The following TPR variants were observed in gnomAD, a reference collection of about 807,000 sequenced individuals.
TPR encodes nucleoprotein TPR.
Under a neutral mutation model 316.1 loss-of-function variants are expected in TPR, and 51 were observed. The ratio of observed to expected loss-of-function variants is 0.16; its 90% CI spans 0.13 to 0.20. The LOEUF (loss-of-function observed/expected upper bound fraction) is 0.20. Ranked by LOEUF, TPR falls within the 10% of genes least tolerant of loss-of-function variation. TPR has a pLI of 1.00. For missense variants in TPR, 2,272 were observed against 2,754.8 expected (o/e 0.82, Z 3.92); for synonymous variants, 981 against 914.7 (o/e 1.07, Z -1.31).
Position 186,318,714 on chromosome 1 carries a change from A to G in TPR, c.6664+19T>C. ...TTTTACCAATAAAACAGAACCTACT[A>G]TCTGCCTTTGATCCCTACCTGGGGC... On this transcript the variant is annotated intron_variant, in intron 47 of 50. Transcript: ENST00000367478. 1 of 1,613,464 alleles carries G rather than the reference A, an allele frequency of 6.2e-7. No individual in the cohort carries two copies. Among genetic ancestry groups the G allele is most frequent in the South Asian group, 1.1e-5 (1 of 90,784 alleles).
chr1:186,330,624 T>C (rs754222615), intron 39 of TPR, among the ~76,000 whole-genome samples: 2 of 152,124 alleles, frequency 1.3e-5, no homozygotes, highest in Non-Finnish European at 2.9e-5. Context: ...CATGACTCTA[T>C]TGTGTAATAA....
chr1:186,343,580 T>C, intron 26 of TPR, 107 bp from the exon 27 acceptor site: 1 of 1,022,768 alleles, frequency 9.8e-7, no homozygotes, highest in South Asian at 1.7e-5. Context: ...TAATAACTAT[T>C]ACACGTTTTC....
chr1:186,327,266 A>ATATATAAATATAT (rs1658016929), intron 40 of TPR, among the ~76,000 whole-genome samples, 194 bp downstream of exon 40: 1 of 272 alleles, frequency 3.7e-3, no homozygotes, highest in African/African-American at 7.7e-3. Flanking sequence ...AATATATAAT[A>ATATATAAATATAT]TATATATTTA....
chr1:186,327,446 C>A lies in TPR; in HGVS notation c.5889+14G>T. 6.2e-7 allele frequency: 1 copy of A among 1,606,478 alleles called. No homozygotes were observed. Among genetic ancestry groups the A allele is most frequent in the Non-Finnish European group, 8.5e-7 (1 of 1,178,968 alleles). On this transcript the variant is annotated intron_variant, in intron 40 of 50. Transcript: ENST00000367478. ...ATAGTTTAAAAACACTAGATGATTT[C>A]AAATCAAACTTACCTCATGTTCTCC...
intron 43 of TPR, among the ~76,000 whole-genome samples, chr1:186,323,293 T>G (rs928324220): frequency 6.6e-6 from 1 of 152,180 alleles, no homozygotes; most frequent in Admixed American, 6.5e-5. Flanking sequence ...ATTCTTCTGT[T>G]AAGTACAACA....
At chr1:186,317,696 C>T in intron 48 of TPR, 96 bp from the exon 49 acceptor site, 2 of 1,149,132 alleles carry the variant, frequency 1.7e-6, no homozygotes, top group Non-Finnish European at 2.5e-6. Flanking sequence ...CTTAAGTAAT[C>T]CAGAGCTCCC....
intron 39 of TPR, among the ~76,000 whole-genome samples, chr1:186,328,469 G>T (rs182284465): frequency 4.0e-5 from 6 of 151,824 alleles, no homozygotes; most frequent in Non-Finnish European, 8.8e-5. Context: ...TTTTATATTT[G>T]TATCAATTTG....
At chr1:186,354,756 T>G (rs930704786) in intron 17 of TPR, among the ~76,000 whole-genome samples, 2 of 152,196 alleles carry the variant, frequency 1.3e-5, no homozygotes, top group African/African-American at 4.8e-5. Context: ...CTCTTCTACC[T>G]AGAATAGAAA....
intron 24 of TPR, 34 bp downstream of exon 24, chr1:186,345,546 C>A: frequency 6.8e-7 from 1 of 1,467,656 alleles, no homozygotes; most frequent in Non-Finnish European, 9.5e-7. Context: ...TCTCTAGGAT[C>A]GAAGCTCATT....
Position 186,360,302 on chromosome 1 carries a change from T to C in TPR, c.1162A>G (p.Ile388Val), listed in dbSNP as rs1659144375. ...GTTAGTTTCATCCCAGGTTTCACTA[T>C]CTTAGCTACAGCTGCTGCAGTAGGA... ...MSPTAAAVAK[I>V]VKPGMKLTEL... is the part of the protein sequence containing the mutation. Residue 388 changes from isoleucine to valine, a missense_variant, in exon 11 of 51, where the codon ATA becomes GTA. Ile to Val is a conservative substitution (Grantham distance 29). This residue lies in a region of TPR where 549 missense variants were observed against 598.6 expected (regional missense o/e 0.92). Coordinates refer to ENST00000367478, the MANE Select transcript of TPR (RefSeq NM_003292.3). The C allele has an allele frequency of 1.2e-6, 2 of 1,613,496 alleles. No homozygotes were observed. The highest frequency in any genetic ancestry group is 1.7e-6 in the Non-Finnish European group (2 of 1,179,510).
intron 12 of TPR, 109 bp downstream of exon 12, chr1:186,359,690 A>C (rs1659124541): frequency 8.9e-7 from 1 of 1,122,610 alleles, no homozygotes; most frequent in Non-Finnish European, 1.2e-6. Context: ...GTTTATTGAA[A>C]ATCGTATTTA....
At chr1:186,374,792 C>T (rs1217829323) in intron 1 of TPR, 86 bp downstream of exon 1, 1 of 1,413,500 alleles carries the variant, frequency 7.1e-7, no homozygotes, top group African/African-American at 1.4e-5. Flanking sequence ...CAGAGCGGTA[C>T]CCAGTGCCAA....
At chr1:186,334,768 A>G (rs1658287534) in intron 35 of TPR, among the ~76,000 whole-genome samples, 1 of 152,082 alleles carries the variant, frequency 6.6e-6, no homozygotes, top group African/African-American at 2.4e-5. Flanking sequence ...TCAGCCCAGC[A>G]TTTTCTATCT....
At position 186,333,218 on chromosome 1, in the gene TPR, C is replaced by T; in HGVS notation, c.5359G>A (p.Glu1787Lys). Residue 1787 changes from glutamate (E) to lysine (K), a missense_variant, in exon 37 of 51, where the codon GAG (glutamate) becomes AAG (lysine). Physicochemically the swap from Glu to Lys is moderately conservative, Grantham distance 56. Around this residue, in one of 10 missense-constraint regions of TPR, gnomAD observed 435 missense variants for 461.1 expected, o/e 0.94. Coordinates refer to ENST00000367478, the MANE Select transcript of TPR (RefSeq NM_003292.3). ...GAAGATAACTCTTGATTGGCAGGCTCAATCTGAGGATGACTCTGTTGAGTG... is the reference window on the plus strand; with the variant it reads ...GAAGATAACTCTTGATTGGCAGGCTTAATCTGAGGATGACTCTGTTGAGTG... ...QPTQQSHPQIEPANQELSSNI... is the reference protein window; with the variant it reads ...QPTQQSHPQIKPANQELSSNI... The T allele has an allele frequency of 6.2e-7, 1 of 1,613,638 alleles. No individual in the cohort carries two copies. The highest frequency in any genetic ancestry group is 8.5e-7 in the Non-Finnish European group (1 of 1,179,712).
rs555373282 is a variant in TPR at position 186,317,907 on chromosome 1, A to T, written c.6822-307T>A. Among the ~76,000 whole-genome samples, 21 of 152,326 alleles carry T rather than the reference A, an allele frequency of 1.4e-4. No individual in the cohort carries two copies. The South Asian group carries it at 4.1e-3, about 30-fold the overall frequency. ...GACACTCATAAGAAATATATGGTCC[A>T]GATTTTGATAAATCTCAAAACAACA... On this transcript the variant is annotated intron_variant, in intron 48 of 50. Coordinates refer to ENST00000367478, the MANE Select transcript of TPR (RefSeq NM_003292.3).
chr1:186,352,034 G>A lies in TPR; in HGVS notation c.2411C>T (p.Ser804Phe), dbSNP rs547487756. 3 of 1,609,906 alleles carry A rather than the reference G, an allele frequency of 1.9e-6. No individual in the cohort carries two copies. The highest frequency in any genetic ancestry group is 2.5e-6 in the Non-Finnish European group (3 of 1,178,448). The change falls in exon 19 of 51, where the codon TCT (serine) becomes TTT (phenylalanine). Residue 804 changes from serine (S) to phenylalanine (F), a missense_variant. Physicochemically the swap from Ser to Phe is radical, Grantham distance 155. This residue lies in a region of TPR where 757 missense variants were observed against 859.8 expected (regional missense o/e 0.88). Transcript: ENST00000367478. ...TTGCCCCCTTTGTTCAGCTAACAAAGACTCTCTTTGCTGAGAAAGACGAAC... is the reference window on the plus strand; with the variant it reads ...TTGCCCCCTTTGTTCAGCTAACAAAAACTCTCTTTGCTGAGAAAGACGAAC... Reference protein sequence around the residue: ...SEVRLSQQRESLLAEQRGQNL... With the variant: ...SEVRLSQQREFLLAEQRGQNL...
At chr1:186,363,251 T>A (rs1659247180) in intron 5 of TPR, 91 bp downstream of exon 5, 2 of 1,144,176 alleles carry the variant, frequency 1.7e-6, no homozygotes, top group South Asian at 2.8e-5. Context: ...ATGCAGCTTT[T>A]AATTACTTTA....
At chr1:186,357,931 TTG>T (rs1659075728) in intron 13 of TPR, among the ~76,000 whole-genome samples, 1 of 152,216 alleles carries the variant, frequency 6.6e-6, no homozygotes, top group South Asian at 2.1e-4. Context: ...ATCTATTTTT[TTG>T]TGTGTGCTTT....
At chr1:186,367,058 ACCT>A (rs1659368858) in intron 4 of TPR, among the ~76,000 whole-genome samples, 1 of 119,610 alleles carries the variant, frequency 8.4e-6, no homozygotes, top group Non-Finnish European at 1.8e-5. Flanking sequence ...AACCCAAAAC[ACCT>A]TTTTTTTTTT....
Sources: gnomAD v4.1 joint callset for allele counts (sites outside exome capture counted in the v4.1 genomes callset) on GRCh38, gnomAD v4.1.1 for gene constraint, gnomAD v4.1.1 regional missense constraint, MANE v1.5 for transcripts, NCBI Gene and HGNC (gene_info 2026-07-23, HGNC 2026-07-21) for gene names.